The following CALML4 variants were observed in gnomAD, a reference collection of about 807,000 sequenced individuals.
The protein encoded by CALML4 is calmodulin like 4, also known as calmodulin-like protein 4.
A neutral mutation model predicts 17.9 loss-of-function variants in CALML4; 16 were observed. That is an observed-to-expected ratio of 0.89 (90% CI 0.61 to 1.36). The LOEUF (loss-of-function observed/expected upper bound fraction) is 1.36, where lower values mean the gene tolerates loss of function less well. Ranked by LOEUF, CALML4 falls within the 40% of genes most tolerant of loss-of-function variation. The probability of loss-of-function intolerance (pLI) is 0.00; values close to 1 mark genes in which losing one functional copy is unlikely to be tolerated. For missense variants in CALML4, 203 were observed against 194.8 expected, an observed-to-expected ratio of 1.04 and a Z score of -0.25; for synonymous variants, 86 against 71.5, an observed-to-expected ratio of 1.20 and a Z score of -1.02.
upstream of CALML4, chr15:68,205,339 C>T (rs1175618886): frequency 2.5e-6 from 4 of 1,614,124 alleles, no homozygotes; most frequent in South Asian, 2.2e-5. The surrounding 1 kb of genome is among the most constrained non-coding windows in gnomAD (Gnocchi z 4.8). Flanking sequence ...GTCTGCCAAG[C>T]TGGGTGGAGG....
At position 68,194,002 on chromosome 15, in the gene CALML4, C is replaced by T. The variant is rs777705828; in HGVS notation, c.*13G>A. On this transcript the variant is annotated 3_prime_UTR_variant, in exon 5 of 5. Coordinates refer to ENST00000467889, the MANE Select transcript of CALML4 (RefSeq NM_033429.3). ...GTTTTCAGGCCCAGGGGAGGCTCTC[C>T]CATTCTCCTCCTTCAATAGTCCCGT... 3 of 1,585,834 alleles carry T rather than the reference C, an allele frequency of 1.9e-6. No individual in the cohort carries two copies. Among genetic ancestry groups the T allele is most frequent in the South Asian group, 2.2e-5 (2 of 90,396 alleles).
At chr15:68,194,782 G>C (rs113267236) in intron 4 of CALML4, among the ~76,000 whole-genome samples, 6 of 151,990 alleles carry the variant, frequency 3.9e-5, no homozygotes, top group African/African-American at 7.3e-5. Flanking sequence ...CCGCAGCTCA[G>C]CCTGCAAACA....
Position 68,197,617 on chromosome 15 carries a change from C to T in CALML4, c.187G>A (p.Glu63Lys). The T allele has an allele frequency of 3.7e-6, 6 of 1,613,834 alleles. No homozygotes were observed. The highest frequency in any genetic ancestry group is 1.1e-5 in the South Asian group (1 of 91,064). Residue 63 changes from glutamate to lysine, a missense_variant, in exon 4 of 5, where the codon GAG becomes AAG. By Grantham distance (56) the Glu-to-Lys change is moderately conservative (BLOSUM62 1). Coordinates refer to ENST00000467889, the MANE Select transcript of CALML4 (RefSeq NM_033429.3). This position sits in a 1 kb window ranked among gnomAD's most constrained non-coding sequence, Gnocchi z 4.1. ...LQTHGIDGNG[E>K]LDFSTFLTIM... ...GTCAGAAAAGTGGAGAAATCCAGCTCTCCATTTCCGTCTAGGAAACCCGCA... is the reference window on the plus strand; with the variant it reads ...GTCAGAAAAGTGGAGAAATCCAGCTTTCCATTTCCGTCTAGGAAACCCGCA...
intron 4 of CALML4, among the ~76,000 whole-genome samples, chr15:68,194,417 C>T (rs1214622398): frequency 1.4e-5 from 2 of 145,808 alleles, no homozygotes; most frequent in Non-Finnish European, 1.5e-5. Context: ...CAGTTTCGCT[C>T]TTGTTGCCCA....
Position 68,204,926 on chromosome 15 carries a change from G to A in CALML4, c.34+195C>T, listed in dbSNP as rs1407566437. 6.6e-6 allele frequency among the ~76,000 whole-genome samples: 1 copy of A among 152,070 alleles called. No individual in the cohort carries two copies. Among genetic ancestry groups the A allele is most frequent in the Non-Finnish European group, 1.5e-5 (1 of 68,014 alleles). ...TGTAAGTCACACTGACAAGTATAAA[G>A]CCACATGTCTATTTTGGAGGCTTAC... On this transcript the variant is annotated intron_variant, in intron 2 of 4. Coordinates refer to ENST00000467889, the MANE Select transcript of CALML4 (RefSeq NM_033429.3). This position sits in a 1 kb window ranked among gnomAD's most constrained non-coding sequence, Gnocchi z 6.0.
chr15:68,197,654 G>A lies in CALML4; in HGVS notation c.176-26C>T, dbSNP rs376053549. ...CTAGGAAACCCGCAAACACAGCAGAGTGAGCAGAGGGAAAAAGACTCCTAG... is the reference window on the plus strand; with the variant it reads ...CTAGGAAACCCGCAAACACAGCAGAATGAGCAGAGGGAAAAAGACTCCTAG... On this transcript the variant is annotated intron_variant, in intron 3 of 4. Transcript: ENST00000467889. The surrounding 1 kb of genome is among the most constrained non-coding windows in gnomAD (Gnocchi z 4.1). The A allele has an allele frequency of 2.3e-5, 37 of 1,606,320 alleles. No individual in the cohort carries two copies. In the African/African-American group the frequency reaches 3.4e-4, roughly 15 times the overall value.
rs950931108 is a variant in CALML4 at position 68,197,148 on chromosome 15, AGG to A, written c.364+290_364+291del. On this transcript the variant is annotated intron_variant, in intron 4 of 4. Coordinates refer to ENST00000467889, the MANE Select transcript of CALML4 (RefSeq NM_033429.3). This position sits in a 1 kb window ranked among gnomAD's most constrained non-coding sequence, Gnocchi z 4.1. Reference sequence around the variant, plus strand: ...AGCCCCACAGTGAGAGCTTGAACACAGGGGGAGACCAGACTGCACGCTCCAGC... The same window carrying A: ...AGCCCCACAGTGAGAGCTTGAACACAGGGAGACCAGACTGCACGCTCCAGC... 1.2e-4 allele frequency among the ~76,000 whole-genome samples: 5 copies of A among 43,384 alleles called. No homozygotes were observed. The highest frequency in any genetic ancestry group is 3.7e-4 in the Non-Finnish European group (5 of 13,490). 28.5% of individuals were successfully genotyped at this position (43,384 alleles called of 152,430 possible).
rs947749341 is a variant in CALML4, at chr15:68,193,258, T to G, written c.*757A>C. ...TCTTGAGCTCTGCAAGGCCAGTCAA[T>G]TTAGCAGCTCACATCTGGTTTCCTT... On this transcript the variant is annotated 3_prime_UTR_variant, in exon 5 of 5. Transcript: ENST00000467889. 3 of 152,258 alleles carry G rather than the reference T, an allele frequency of 2.0e-5. No individual in the cohort carries two copies. Among genetic ancestry groups the G allele is most frequent in the African/African-American group, 7.2e-5 (3 of 41,432 alleles). 9.4% of individuals were successfully genotyped at this position (152,258 alleles called of 1,614,324 possible).
Position 68,200,061 on chromosome 15 carries a change from CTG to C in CALML4, c.35-382_35-381del, listed in dbSNP as rs1194829265. On this transcript the variant is annotated intron_variant, in intron 2 of 4. Coordinates refer to ENST00000467889, the MANE Select transcript of CALML4 (RefSeq NM_033429.3). The surrounding 1 kb of genome is among the most constrained non-coding windows in gnomAD (Gnocchi z 4.3). ...TCCCCCTCCCCGCCAACCCACAGGA[CTG>C]GAACTCCCAGGACAGTGCCCCTCCA... 1 of 165,080 alleles carries C rather than the reference CTG, an allele frequency of 6.1e-6. No individual in the cohort carries two copies. Among genetic ancestry groups the C allele is most frequent in the African/African-American group, 2.4e-5 (1 of 41,700 alleles). The allele number at this position is 165,080 out of a possible 1,614,324, so 10.2% of individuals were successfully genotyped here.
intron 4 of CALML4, among the ~76,000 whole-genome samples, chr15:68,194,368 C>G (rs2093133642): frequency 6.7e-6 from 1 of 149,472 alleles, no homozygotes; most frequent in South Asian, 2.1e-4. Context: ...GATTCGGTCA[C>G]TGATGCCACC....
chr15:68,193,833 G>T lies in CALML4; in HGVS notation c.*182C>A. On this transcript the variant is annotated 3_prime_UTR_variant, in exon 5 of 5. Transcript: ENST00000467889. ...AAATCAATACAAATCTTTTATTAAAGATCTACTCATACCATGGCTGAAATC... is the reference window on the plus strand; with the variant it reads ...AAATCAATACAAATCTTTTATTAAATATCTACTCATACCATGGCTGAAATC... The T allele has an allele frequency of 1.8e-6, 1 of 557,536 alleles. No homozygotes were observed. Among genetic ancestry groups the T allele is most frequent in the Non-Finnish European group, 3.2e-6 (1 of 308,440 alleles). 34.5% of individuals were successfully genotyped at this position (557,536 alleles called of 1,614,324 possible).
chr15:68,199,737 G>A (rs2093159150), intron 2 of CALML4, 56 bp from the exon 3 acceptor site: 21 of 1,556,354 alleles, frequency 1.3e-5, no homozygotes, highest in Non-Finnish European at 1.7e-5. Flanking sequence ...CGCCCATGCC[G>A]CCCTCCCCAT....
chr15:68,197,354 C>G lies in CALML4; in HGVS notation c.364+86G>C. ...CATCAACAGAGGTGGTCTGTACCAC[C>G]CTGGTGGCATCAGCTAGGCTTTGGT... On this transcript the variant is annotated intron_variant, in intron 4 of 4. Transcript: ENST00000467889. This position sits in a 1 kb window ranked among gnomAD's most constrained non-coding sequence, Gnocchi z 4.1. 7.3e-7 allele frequency: 1 copy of G among 1,364,892 alleles called. No individual in the cohort carries two copies. The highest frequency in any genetic ancestry group is 1.0e-6 in the Non-Finnish European group (1 of 982,960). The allele number at this position is 1,364,892 out of a possible 1,614,324, so 84.5% of individuals were successfully genotyped here.
rs1389619714 is a variant in CALML4, at chr15:68,191,607, G to A, written c.*2408C>T. ...TAACTAACTAATTTTCTTGCAGCATGCTTTGAGGTAAGTAATGAATATAGC... is the reference window on the plus strand; with the variant it reads ...TAACTAACTAATTTTCTTGCAGCATACTTTGAGGTAAGTAATGAATATAGC... On this transcript the variant is annotated 3_prime_UTR_variant, in exon 5 of 5. Coordinates refer to ENST00000467889, the MANE Select transcript of CALML4 (RefSeq NM_033429.3). The A allele has an allele frequency of 6.6e-6, 1 of 152,622 alleles. No homozygotes were observed. The highest frequency in any genetic ancestry group is 1.5e-5 in the Non-Finnish European group (1 of 68,038). The allele number at this position is 152,622 out of a possible 1,614,324, so 9.5% of individuals were successfully genotyped here.
In CALML4 at chr15:68,193,995, G is replaced by A; in HGVS notation, c.*20C>T. The A allele has an allele frequency of 6.4e-7, 1 of 1,570,198 alleles. No individual in the cohort carries two copies. Among genetic ancestry groups the A allele is most frequent in the African/African-American group, 1.4e-5 (1 of 74,026 alleles). ...GCTCCAAGTTTTCAGGCCCAGGGGAGGCTCTCCCATTCTCCTCCTTCAATA... is the reference window on the plus strand; with the variant it reads ...GCTCCAAGTTTTCAGGCCCAGGGGAAGCTCTCCCATTCTCCTCCTTCAATA... On this transcript the variant is annotated 3_prime_UTR_variant, in exon 5 of 5. Coordinates refer to ENST00000467889, the MANE Select transcript of CALML4 (RefSeq NM_033429.3).
Position 68,200,357 on chromosome 15 carries a change from G to A in CALML4, c.35-676C>T, listed in dbSNP as rs2093161632. ...GTCCTTGGACTCGGGCCCTGGTCCT[G>A]TTCTTAGAGACTTCAAAGGGTCCTG... On this transcript the variant is annotated intron_variant, in intron 2 of 4. Transcript: ENST00000467889. The surrounding 1 kb of genome is among the most constrained non-coding windows in gnomAD (Gnocchi z 4.3). Among the ~76,000 whole-genome samples the A allele has an allele frequency of 6.6e-6, 1 of 152,176 alleles. No individual in the cohort carries two copies. The highest frequency in any genetic ancestry group is 1.5e-5 in the Non-Finnish European group (1 of 68,022).
rs1218493440 is a variant in CALML4 at position 68,199,599 on chromosome 15, GCA to G, written c.115_116del (p.Cys39ProfsTer85). 27 of 1,613,522 alleles carry G rather than the reference GCA, an allele frequency of 1.7e-5. No individual in the cohort carries two copies. The highest frequency in any genetic ancestry group is 2.0e-5 in the Non-Finnish European group (24 of 1,179,938). On this transcript the variant is annotated frameshift_variant, in exon 3 of 5. Coordinates refer to ENST00000467889, the MANE Select transcript of CALML4 (RefSeq NM_033429.3). LOFTEE classifies it high-confidence loss of function. ...KATDLMVAMRCLGASPTPGEV... is the reference protein window; with the variant it reads ...KATDLMVAMRXLGASPTPGEV... Reference sequence around the variant, plus strand: ...CCCCTGGCGTCGGGCTGGCCCCCAGGCACCTCATGGCCACCATGAGGTCGGTG... The same window carrying G: ...CCCCTGGCGTCGGGCTGGCCCCCAGGCCTCATGGCCACCATGAGGTCGGTG...
In CALML4 at chr15:68,193,962, A is replaced by G. The variant is rs976528226; in HGVS notation, c.*53T>C. 5.1e-6 allele frequency: 7 copies of G among 1,366,012 alleles called. No individual in the cohort carries two copies. The African/African-American group carries it at 1.0e-4, about 20-fold the overall frequency. The allele number at this position is 1,366,012 out of a possible 1,614,324, so 84.6% of individuals were successfully genotyped here. ...AGTGAAAAGAACACTTTTTAAAAAAAATTAATTGCTCCAAGTTTTCAGGCC... is the reference window on the plus strand; with the variant it reads ...AGTGAAAAGAACACTTTTTAAAAAAGATTAATTGCTCCAAGTTTTCAGGCC... On this transcript the variant is annotated 3_prime_UTR_variant, in exon 5 of 5. Transcript: ENST00000467889.
chr15:68,194,489 T>G (rs561914272), intron 4 of CALML4, among the ~76,000 whole-genome samples: 4 of 151,858 alleles, frequency 2.6e-5, no homozygotes, highest in Non-Finnish European at 5.9e-5. Context: ...GTTCAAGCGA[T>G]TCTCCTGCCT....
Sources: allele counts gnomAD v4.1 joint callset (sites outside exome capture counted in the v4.1 genomes callset), GRCh38; gene constraint gnomAD v4.1.1; non-coding constraint Gnocchi (gnomAD v3.1); transcripts MANE v1.5; gene names NCBI Gene and HGNC (gene_info 2026-07-23, HGNC 2026-07-21).